COTL1: variants seen among roughly 807,000 people sequenced by gnomAD.
COTL1 encodes coactosin-like protein.
A neutral mutation model predicts 16.5 loss-of-function variants in COTL1; 15 were observed. That is an observed-to-expected ratio of 0.91 (90% CI 0.61 to 1.40). The LOEUF is 1.40. Ranked by LOEUF, COTL1 falls within the 40% of genes most tolerant of loss-of-function variation. The pLI is 0.00. For synonymous variants in COTL1, 112 were observed against 85.3 expected (o/e 1.31, Z -1.73); for missense variants, 220 against 201.5 (o/e 1.09, Z -0.56).
Position 84,617,498 on chromosome 16 carries a change from T to G in COTL1, c.160+3A>C. On this transcript the variant is annotated splice_donor_region_variant and intron_variant, in intron 2 of 3. Coordinates refer to ENST00000262428, the MANE Select transcript of COTL1 (RefSeq NM_021149.5). ...CATCCGCCCGGCAGGCGCGCCTCCC[T>G]ACCTGTGCACTGCTGGATGAAGTGC... The G allele has an allele frequency of 6.4e-7, 1 of 1,551,144 alleles. No individual in the cohort carries two copies. Among genetic ancestry groups the G allele is most frequent in the Non-Finnish European group, 8.7e-7 (1 of 1,147,000 alleles).
In COTL1 at chr16:84,590,480, A is replaced by G. The variant is rs1310869828; in HGVS notation, c.161-218T>C. On this transcript the variant is annotated intron_variant, in intron 2 of 3. Coordinates refer to ENST00000262428, the MANE Select transcript of COTL1 (RefSeq NM_021149.5). This position sits in a 1 kb window ranked among gnomAD's most constrained non-coding sequence, Gnocchi z 5.5. ...TCCTGGCAACAGTGCTGCAGGCTTC[A>G]TGCCCATTTCACAGATGGGAAATGG... is the stretch of plus-strand genomic sequence containing the variant. 4.7e-6 allele frequency: 2 copies of G among 428,930 alleles called. No homozygotes were observed. The highest frequency in any genetic ancestry group is 8.3e-6 in the Non-Finnish European group (2 of 242,168). The allele number at this position is 428,930 out of a possible 1,614,324, so 26.6% of individuals were successfully genotyped here.
At chr16:84,587,019 T>C (rs1016968845) in intron 3 of COTL1, among the ~76,000 whole-genome samples, 3 of 151,728 alleles carry the variant, frequency 2.0e-5, no homozygotes, top group Non-Finnish European at 4.4e-5. Flanking sequence ...CGTCCAGGAG[T>C]GGGCCAAGCA....
chr16:84,575,627 G>C (rs1029411564), intron 3 of COTL1: 1 of 152,236 alleles, frequency 6.6e-6, no homozygotes, highest in African/African-American at 2.4e-5. Flanking sequence ...CAAAGTGCTG[G>C]GATCACAGGC....
At chr16:84,574,171 G>A (rs1904398832) in intron 3 of COTL1, among the ~76,000 whole-genome samples, 1 of 152,140 alleles carries the variant, frequency 6.6e-6, no homozygotes, top group Admixed American at 6.5e-5. Context: ...TCTTCATTAT[G>A]TAGAGGACCA....
chr16:84,598,846 G>T (rs974979404), intron 2 of COTL1, among the ~76,000 whole-genome samples: 2 of 147,008 alleles, frequency 1.4e-5, no homozygotes, highest in Non-Finnish European at 3.0e-5. Flanking sequence ...AGCAGGGGGG[G>T]TCCAAGCGGG....
At chr16:84,600,820 T>C (rs1311256318) in intron 2 of COTL1, among the ~76,000 whole-genome samples, 1 of 152,154 alleles carries the variant, frequency 6.6e-6, no homozygotes, top group Non-Finnish European at 1.5e-5. Context: ...AAGTACAGGA[T>C]GGCCAGAGGA....
chr16:84,591,333 A>T (rs1400313822), intron 2 of COTL1, among the ~76,000 whole-genome samples: 1 of 151,172 alleles, frequency 6.6e-6, no homozygotes, highest in Non-Finnish European at 1.5e-5. Flanking sequence ...ACAGGCGCCC[A>T]CCACCACACC....
intron 2 of COTL1, among the ~76,000 whole-genome samples, chr16:84,614,525 G>A (rs1020337898): frequency 6.6e-6 from 1 of 152,114 alleles, no homozygotes; most frequent in Non-Finnish European, 1.5e-5. Flanking sequence ...AGTAGCCTGA[G>A]GTGGGAGGGC....
intron 2 of COTL1, among the ~76,000 whole-genome samples, chr16:84,604,475 C>T (rs1002477348): frequency 7.9e-5 from 12 of 151,826 alleles, no homozygotes; most frequent in African/African-American, 2.2e-4. Flanking sequence ...CAGTGGGTTT[C>T]GGTCCATTCA....
At chr16:84,605,717 C>T (rs1367096544) in intron 2 of COTL1, among the ~76,000 whole-genome samples, 5 of 152,202 alleles carry the variant, frequency 3.3e-5, no homozygotes, top group African/African-American at 1.2e-4. Context: ...ATGGATTCTC[C>T]CCTGGAGCCT....
At chr16:84,574,123 G>A (rs972547313) in intron 3 of COTL1, among the ~76,000 whole-genome samples, 1 of 152,148 alleles carries the variant, frequency 6.6e-6, no homozygotes, top group Admixed American at 6.5e-5. Flanking sequence ...AGCCATGATC[G>A]CACCACTGCA....
chr16:84,601,370 G>C (rs1025351440), intron 2 of COTL1, among the ~76,000 whole-genome samples: 1 of 152,182 alleles, frequency 6.6e-6, no homozygotes, highest in Non-Finnish European at 1.5e-5. Context: ...GCAGTTACAG[G>C]AGCATCAAGG....
intron 2 of COTL1, among the ~76,000 whole-genome samples, chr16:84,602,653 G>A (rs1056783596): frequency 3.3e-5 from 5 of 152,058 alleles, no homozygotes; most frequent in East Asian, 1.9e-4. Context: ...TCAGGAATTC[G>A]AGACCAGCCT....
At chr16:84,588,595 C>T (rs958185635) in intron 3 of COTL1, among the ~76,000 whole-genome samples, 1 of 152,152 alleles carries the variant, frequency 6.6e-6, no homozygotes, top group Non-Finnish European at 1.5e-5. Context: ...ACTGCAGCCT[C>T]GCCCTCCTAG....
intron 3 of COTL1, among the ~76,000 whole-genome samples, chr16:84,588,052 G>C (rs958638441): frequency 6.6e-6 from 1 of 152,048 alleles, no homozygotes; most frequent in Non-Finnish European, 1.5e-5. Flanking sequence ...GATTACAGGA[G>C]GGAGCCATGA....
At chr16:84,608,275 T>G (rs530661061) in intron 2 of COTL1, among the ~76,000 whole-genome samples, 1 of 152,346 alleles carries the variant, frequency 6.6e-6, no homozygotes, top group South Asian at 2.1e-4. Context: ...TCTGAATATT[T>G]TCAAGGGACA....
At chr16:84,610,050 C>A (rs145181706) in intron 2 of COTL1, among the ~76,000 whole-genome samples, 1 of 152,206 alleles carries the variant, frequency 6.6e-6, no homozygotes, top group Non-Finnish European at 1.5e-5. Flanking sequence ...ACACTTACCA[C>A]ATGACAGCCC....
At chr16:84,605,961 A>T (rs11149668) in intron 2 of COTL1, among the ~76,000 whole-genome samples, 78,720 of 152,130 alleles carry the variant, frequency 0.52, 20,837 homozygotes, top group East Asian at 0.64. Flanking sequence ...TATTGCTCGC[A>T]AGGAAGCTTA....
At chr16:84,579,213 C>T (rs2150682916) in intron 3 of COTL1, among the ~76,000 whole-genome samples, 1 of 152,332 alleles carries the variant, frequency 6.6e-6, no homozygotes, top group African/African-American at 2.4e-5. Context: ...ATAATAGAAA[C>T]AGGCCGGGCA....
Sources: gnomAD v4.1 joint callset for allele counts (sites outside exome capture counted in the v4.1 genomes callset) on GRCh38, gnomAD v4.1.1 for gene constraint, Gnocchi (gnomAD v3.1) non-coding constraint, MANE v1.5 for transcripts, NCBI Gene and HGNC (gene_info 2026-07-23, HGNC 2026-07-21) for gene names.